The following ERBB4 variants were observed in gnomAD, a reference collection of about 807,000 sequenced individuals.
ERBB4 encodes erb-b2 receptor tyrosine kinase 4, also known as receptor tyrosine-protein kinase erbB-4.
A neutral mutation model predicts 158.0 loss-of-function variants in ERBB4; 42 were observed. The ratio of observed to expected loss-of-function variants is 0.27; its 90% CI spans 0.21 to 0.34. The LOEUF is 0.34. Ranked by LOEUF, ERBB4 falls within the 10% of genes least tolerant of loss-of-function variation. The probability of loss-of-function intolerance (pLI) is 1.00; values close to 1 mark genes in which losing one functional copy is unlikely to be tolerated. For missense variants in ERBB4, 1,333 were observed against 1,624.1 expected (o/e 0.82, Z 3.08); for synonymous variants, 583 against 558.7 (o/e 1.04, Z -0.61).
intron 2 of ERBB4, among the ~76,000 whole-genome samples, chr2:211,978,583 C>A (rs1004995522): frequency 1.3e-5 from 2 of 152,058 alleles, no homozygotes; most frequent in Non-Finnish European, 2.9e-5. Context: ...GCCACTATAC[C>A]CAGCTAAATT....
chr2:211,867,514 C>CA, intron 3 of ERBB4, among the ~76,000 whole-genome samples: 1 of 152,202 alleles, frequency 6.6e-6, no homozygotes, highest in Non-Finnish European at 1.5e-5. Flanking sequence ...GCATGAATAT[C>CA]AAAAATGGTA....
At chr2:212,115,339 T>C (rs73987233) in intron 2 of ERBB4, among the ~76,000 whole-genome samples, 6,575 of 152,174 alleles carry the variant, frequency 0.043, 452 homozygotes, top group African/African-American at 0.15. Flanking sequence ...CTGTCTTTTT[T>C]TTGAAAGAAA....
chr2:212,001,899 T>A (rs981202478), intron 2 of ERBB4, among the ~76,000 whole-genome samples: 3 of 152,168 alleles, frequency 2.0e-5, no homozygotes, highest in Non-Finnish European at 4.4e-5. Context: ...AATAAAGAAG[T>A]AAACAAGATA....
chr2:211,396,894 G>A (rs971271020), intron 25 of ERBB4, among the ~76,000 whole-genome samples: 1 of 152,136 alleles, frequency 6.6e-6, no homozygotes, highest in African/African-American at 2.4e-5. Flanking sequence ...AGGTGGCACA[G>A]CTGTTGCCGT....
chr2:212,473,010 T>A (rs1689192412), intron 1 of ERBB4, among the ~76,000 whole-genome samples: 1 of 149,456 alleles, frequency 6.7e-6, no homozygotes, highest in Non-Finnish European at 1.5e-5. Context: ...TAATTTAGTA[T>A]GAAAAAACAC....
At chr2:211,999,702 A>G (rs2076059999) in intron 2 of ERBB4, among the ~76,000 whole-genome samples, 2 of 151,822 alleles carry the variant, frequency 1.3e-5, no homozygotes, top group East Asian at 3.8e-4. Context: ...CAAATGGGAC[A>G]TCTTGCTTGA....
chr2:211,876,984 A>G (rs1334883700), intron 3 of ERBB4, among the ~76,000 whole-genome samples: 1 of 152,140 alleles, frequency 6.6e-6, no homozygotes, highest in African/African-American at 2.4e-5. Context: ...TAACTACTGA[A>G]AAGCCTACTG....
At chr2:212,275,715 G>A (rs1372423457) in intron 1 of ERBB4, among the ~76,000 whole-genome samples, 1 of 151,780 alleles carries the variant, frequency 6.6e-6, no homozygotes, top group African/African-American at 2.4e-5. Flanking sequence ...ACCAGCCCCT[G>A]CAACAACATA....
intron 3 of ERBB4, among the ~76,000 whole-genome samples, chr2:211,790,611 A>G (rs1287958290): frequency 6.6e-6 from 1 of 152,054 alleles, no homozygotes; most frequent in Non-Finnish European, 1.5e-5. Context: ...GGAGACAATA[A>G]TAAATCCAGC....
chr2:211,441,649 C>T (rs2063979970), intron 20 of ERBB4, among the ~76,000 whole-genome samples: 1 of 152,120 alleles, frequency 6.6e-6, no homozygotes, highest in South Asian at 2.1e-4. Context: ...TCTGGGGCTG[C>T]TATCTCTTGA....
At chr2:211,752,502 A>AG (rs2075162529) in intron 4 of ERBB4, among the ~76,000 whole-genome samples, 1 of 142,444 alleles carries the variant, frequency 7.0e-6, no homozygotes. Flanking sequence ...AAAAAAAAAA[A>AG]AAAGAAAAGA....
At chr2:211,859,238 T>C (rs2077952836) in intron 3 of ERBB4, among the ~76,000 whole-genome samples, 1 of 152,226 alleles carries the variant, frequency 6.6e-6, no homozygotes, top group Non-Finnish European at 1.5e-5. Flanking sequence ...GTCACTGTTA[T>C]CCAATTCCTC....
At chr2:211,771,896 G>T (rs994813077) in intron 4 of ERBB4, among the ~76,000 whole-genome samples, 2 of 152,042 alleles carry the variant, frequency 1.3e-5, no homozygotes, top group African/African-American at 4.8e-5. Context: ...ATTCACAGGT[G>T]GTAGTACCTG....
intron 1 of ERBB4, among the ~76,000 whole-genome samples, chr2:212,429,505 T>C (rs1383150213): frequency 6.6e-6 from 1 of 152,004 alleles, no homozygotes; most frequent in East Asian, 1.9e-4. Context: ...AAACTAAGAA[T>C]CCCCCTCTAA....
At chr2:212,033,215 A>T (rs187220857) in intron 2 of ERBB4, among the ~76,000 whole-genome samples, 25 of 152,132 alleles carry the variant, frequency 1.6e-4, no homozygotes, top group South Asian at 6.2e-4. Context: ...TATTCTTTGT[A>T]CACTTTTAGA....
At chr2:211,468,202 G>A (rs1172829203) in intron 20 of ERBB4, among the ~76,000 whole-genome samples, 2 of 152,076 alleles carry the variant, frequency 1.3e-5, no homozygotes, top group Admixed American at 1.3e-4. Context: ...GAGAGCAAAG[G>A]TCTAGTAATG....
intron 2 of ERBB4, among the ~76,000 whole-genome samples, chr2:212,113,436 T>TGG (rs201562958): frequency 1.3e-5 from 2 of 151,096 alleles, no homozygotes; most frequent in South Asian, 4.2e-4. Flanking sequence ...TAGCTGGGTG[T>TGG]GGTGGTGGAT....
intron 9 of ERBB4, among the ~76,000 whole-genome samples, chr2:211,710,992 G>A (rs6726244): frequency 0.015 from 2,203 of 150,500 alleles, 51 homozygotes; most frequent in African/African-American, 0.05. Flanking sequence ...AATATGGGCC[G>A]ACAATGACCA....
intron 2 of ERBB4, among the ~76,000 whole-genome samples, chr2:212,106,661 T>C (rs776386778): frequency 1.3e-5 from 2 of 152,242 alleles, no homozygotes; most frequent in Non-Finnish European, 2.9e-5. Flanking sequence ...CCCCAGGGCA[T>C]GTCAGAGACC....
Sources: allele counts gnomAD v4.1 joint callset (sites outside exome capture counted in the v4.1 genomes callset), GRCh38; gene constraint gnomAD v4.1.1; transcripts MANE v1.5; gene names NCBI Gene and HGNC (gene_info 2026-07-23, HGNC 2026-07-21).